The following EXT1 variants were observed in gnomAD, a reference collection of about 807,000 sequenced individuals.
EXT1 encodes the protein exostosin glycosyltransferase 1.
EXT1 carries 20 observed loss-of-function variants against 82.5 expected under a neutral mutation model. That is an observed-to-expected ratio of 0.24 (90% CI 0.17 to 0.35). The LOEUF (loss-of-function observed/expected upper bound fraction) is 0.35, where lower values mean the gene tolerates loss of function less well. Among genes scored for constraint, EXT1 ranks in the 10% least tolerant of loss-of-function variants. The probability of loss-of-function intolerance (pLI) is 1.00; values close to 1 mark genes in which losing one functional copy is unlikely to be tolerated. For missense variants in EXT1, 757 were observed against 936.5 expected (o/e 0.81, Z 2.50); for synonymous variants, 348 against 350.8 (o/e 0.99, Z 0.09).
rs566054492 is a variant in EXT1, at chr8:117,994,720, A to G, written c.962+115365T>C. 2.6e-5 allele frequency among the ~76,000 whole-genome samples: 4 copies of G among 152,246 alleles called. 1 individual carries two copies. In the South Asian group the frequency reaches 8.3e-4, roughly 32 times the overall value. ...CAACAAGCTGTTTTAGTCAATCTAG[A>G]TCCATGGAGCTAGCAAGTCTAATTT... On this transcript the variant is annotated intron_variant, in intron 1 of 10. Coordinates refer to ENST00000378204, the MANE Select transcript of EXT1 (RefSeq NM_000127.3).
rs533027765 is a variant in EXT1, at chr8:118,110,959, C to T, written c.88G>A (p.Ala30Thr). 5.0e-6 allele frequency: 8 copies of T among 1,612,456 alleles called. No individual in the cohort carries two copies. The South Asian group carries it at 5.5e-5, about 11-fold the overall frequency. The change falls in exon 1 of 11, where the codon GCA becomes ACA. Residue 30 changes from alanine to threonine, a missense_variant. This residue lies in a region of EXT1 where 175 missense variants were observed against 159.0 expected (regional missense o/e 1.10). Coordinates refer to ENST00000378204, the MANE Select transcript of EXT1 (RefSeq NM_000127.3). ...LFYFGGLQFR[A>T]SRSHSRREEH... ...TCTCTCCGGCTGTGGCTCCTCGATG[C>T]CCTAAACTGCAAGCCTCCGAAATAA...
At chr8:117,828,977 G>T (rs1228876899) in intron 4 of EXT1, among the ~76,000 whole-genome samples, 1 of 152,052 alleles carries the variant, frequency 6.6e-6, no homozygotes, top group East Asian at 1.9e-4. Flanking sequence ...GACCAAGTAG[G>T]GTGACTTCAG....
intron 1 of EXT1, among the ~76,000 whole-genome samples, chr8:118,045,065 C>A (rs1295117883): frequency 6.6e-6 from 1 of 152,190 alleles, no homozygotes; most frequent in Non-Finnish European, 1.5e-5. Flanking sequence ...ATATCGTACA[C>A]AAAGTACAGT....
intron 1 of EXT1, among the ~76,000 whole-genome samples, chr8:117,895,271 G>A (rs778481856): frequency 6.6e-6 from 1 of 152,076 alleles, no homozygotes; most frequent in Non-Finnish European, 1.5e-5. Flanking sequence ...CGTTGTCTAC[G>A]GACATAAACC....
At chr8:118,022,012 C>T (rs957979415) in intron 1 of EXT1, among the ~76,000 whole-genome samples, 2 of 152,212 alleles carry the variant, frequency 1.3e-5, no homozygotes, top group South Asian at 2.1e-4. Flanking sequence ...CTGCACTATC[C>T]TATTAATCAT....
Position 118,110,724 on chromosome 8 carries a change from A to C in EXT1, c.323T>G (p.Leu108Arg). The change falls in exon 1 of 11, where the codon CTT becomes CGT. Residue 108 changes from leucine to arginine, a missense_variant. Physicochemically the swap from Leu to Arg is moderately radical, Grantham distance 102. This residue lies in a region of EXT1 where 175 missense variants were observed against 159.0 expected (regional missense o/e 1.10). Transcript: ENST00000378204. ...GACTTTGAAGCCGTTTTTCTTGCAA[A>C]GGGTGAAATCGAAGCAGGACTCCAT... ...CRMESCFDFT[L>R]CKKNGFKVYV... The C allele has an allele frequency of 6.2e-7, 1 of 1,614,142 alleles. No individual in the cohort carries two copies. Among genetic ancestry groups the C allele is most frequent in the Middle Eastern group, 1.6e-4 (1 of 6,062 alleles).
At chr8:117,965,993 T>TACACACACACACACACACACAC (rs35638588) in intron 1 of EXT1, among the ~76,000 whole-genome samples, 1 of 150,478 alleles carries the variant, frequency 6.6e-6, no homozygotes, top group African/African-American at 2.4e-5. Flanking sequence ...TACATGCATA[T>TACACACACACACACACACACAC]ACACACACAC....
chr8:117,963,317 CT>C (rs1025292611), intron 1 of EXT1, among the ~76,000 whole-genome samples: 6 of 152,182 alleles, frequency 3.9e-5, no homozygotes, highest in African/African-American at 1.4e-4. Flanking sequence ...TGGACCATTT[CT>C]GTACATAAGG....
chr8:118,031,130 G>T (rs768214809), intron 1 of EXT1, among the ~76,000 whole-genome samples: 2 of 152,104 alleles, frequency 1.3e-5, no homozygotes, highest in Non-Finnish European at 2.9e-5. Context: ...GGGTGTGGGG[G>T]GAACAGCTGC....
At chr8:117,902,931 C>T (rs1813476540) in intron 1 of EXT1, among the ~76,000 whole-genome samples, 1 of 152,142 alleles carries the variant, frequency 6.6e-6, no homozygotes, top group Non-Finnish European at 1.5e-5. Flanking sequence ...TCTTGATTTT[C>T]CCATCAAATC....
At chr8:118,010,097 G>T (rs1815865458) in intron 1 of EXT1, among the ~76,000 whole-genome samples, 1 of 152,182 alleles carries the variant, frequency 6.6e-6, no homozygotes, top group Admixed American at 6.5e-5. Context: ...TTAGGACTTA[G>T]AGTTGGCAGG....
intron 1 of EXT1, among the ~76,000 whole-genome samples, chr8:117,899,435 C>G (rs1224331867): frequency 6.6e-6 from 1 of 152,192 alleles, no homozygotes; most frequent in Non-Finnish European, 1.5e-5. Flanking sequence ...GGAGAGAAAT[C>G]TCGTGTATAA....
chr8:117,904,566 A>G (rs1813508661), intron 1 of EXT1, among the ~76,000 whole-genome samples: 1 of 152,208 alleles, frequency 6.6e-6, no homozygotes. Flanking sequence ...TATATGATAA[A>G]TGCTAGGATG....
At position 117,866,232 on chromosome 8, in the gene EXT1, G is replaced by A. The variant is rs7832796; in HGVS notation, c.963-29031C>T. ...ACAGTGAGACTCAGTCTCAAACAAA[G>A]AAGTTAAACTATTAAAATCTGAAAA... On this transcript the variant is annotated intron_variant, in intron 1 of 10. Coordinates refer to ENST00000378204, the MANE Select transcript of EXT1 (RefSeq NM_000127.3). 7.4e-3 allele frequency among the ~76,000 whole-genome samples: 1,121 copies of A among 152,166 alleles called. 11 individuals carry two copies. The highest frequency in any genetic ancestry group is 0.022 in the African/African-American group (918 of 41,522).
rs1042652827 is a variant in EXT1 at position 118,057,863 on chromosome 8, C to T, written c.962+52222G>A. ...TGGCAGGCGCCTGTAGTCCCAGCTA[C>T]GTGGGAGGCTGAGGAGGAGAATCGC... On this transcript the variant is annotated intron_variant, in intron 1 of 10. Transcript: ENST00000378204. Among the ~76,000 whole-genome samples the T allele has an allele frequency of 4.0e-5, 6 of 149,794 alleles. No homozygotes were observed. In the East Asian group the frequency reaches 8.2e-4, roughly 20 times the overall value.
rs554211482 is a variant in EXT1, at chr8:117,899,740, T to A, written c.963-62539A>T. ...AGTAGCAAGATAAATGCAACCAATA[T>A]AAAATAAAGCTTATCAGTTGTTGGT... On this transcript the variant is annotated intron_variant, in intron 1 of 10. Coordinates refer to ENST00000378204, the MANE Select transcript of EXT1 (RefSeq NM_000127.3). 1.4e-4 allele frequency among the ~76,000 whole-genome samples: 22 copies of A among 152,260 alleles called. No homozygotes were observed. The East Asian group carries it at 3.7e-3, about 25-fold the overall frequency.
intron 1 of EXT1, among the ~76,000 whole-genome samples, chr8:118,068,925 A>G (rs2129958747): frequency 6.6e-6 from 1 of 152,300 alleles, no homozygotes; most frequent in East Asian, 1.9e-4. Flanking sequence ...AAGCTGCAAG[A>G]AGCTTTAGAG....
chr8:118,102,858 T>C (rs984770397), intron 1 of EXT1, among the ~76,000 whole-genome samples: 3 of 152,198 alleles, frequency 2.0e-5, no homozygotes, highest in Non-Finnish European at 2.9e-5. Context: ...CTTTCTTTCT[T>C]TGAAAGACAA....
chr8:117,980,066 T>C (rs1426718560), intron 1 of EXT1, among the ~76,000 whole-genome samples: 1 of 152,086 alleles, frequency 6.6e-6, no homozygotes. Context: ...TAGCTAGAAG[T>C]GTGTTACTAA....
Sources: gnomAD v4.1 joint callset for allele counts (sites outside exome capture counted in the v4.1 genomes callset) on GRCh38, gnomAD v4.1.1 for gene constraint, gnomAD v4.1.1 regional missense constraint, MANE v1.5 for transcripts, NCBI Gene and HGNC (gene_info 2026-07-23, HGNC 2026-07-21) for gene names.